ZC3HAV1L: variants seen among roughly 807,000 people sequenced by gnomAD.
ZC3HAV1L encodes the protein ZC3HAV1 like, also known as zinc finger CCCH-type antiviral protein 1-like.
ZC3HAV1L carries 23 observed loss-of-function variants against 28.2 expected under a neutral mutation model. That is an observed-to-expected ratio of 0.82 (90% CI 0.59 to 1.16). ZC3HAV1L has a LOEUF of 1.16. ZC3HAV1L is among the 50% of genes most tolerant of loss of function. ZC3HAV1L has a pLI of 0.00. For synonymous variants in ZC3HAV1L, 180 were observed against 163.4 expected (o/e 1.10, Z -0.78); for missense variants, 376 against 387.7 (o/e 0.97, Z 0.25).
At position 139,026,737 on chromosome 7, in the gene ZC3HAV1L, G is replaced by A. The variant is rs995307196; in HGVS notation, c.857C>T (p.Pro286Leu). ...AAEAGPLASVPAQSAKKPCPV... is the reference protein window; with the variant it reads ...AAEAGPLASVLAQSAKKPCPV... The stretch of plus-strand genomic sequence containing the variant: ...GCAGGGCTTCTTGGCCGACTGAGCA[G>A]GGACAGAAGCCAGAGGACCAGCTTC... The change falls in exon 4 of 5, where the codon CCT becomes CTT. Residue 286 changes from proline (P) to leucine (L), a missense_variant. Physicochemically the swap from Pro to Leu is moderately conservative, Grantham distance 98. Transcript: ENST00000275766. The A allele has an allele frequency of 6.2e-7, 1 of 1,614,150 alleles. No individual in the cohort carries two copies. Among genetic ancestry groups the A allele is most frequent in the South Asian group, 1.1e-5 (1 of 91,072 alleles).
Position 139,035,975 on chromosome 7 carries a change from A to T in ZC3HAV1L, c.43T>A (p.Cys15Ser). 6.6e-7 allele frequency: 1 copy of T among 1,525,500 alleles called. No individual in the cohort carries two copies. Among genetic ancestry groups the T allele is most frequent in the Non-Finnish European group, 8.7e-7 (1 of 1,144,620 alleles). The allele number at this position is 1,525,500 out of a possible 1,614,324, so 94.5% of individuals were successfully genotyped here. ...TVCSFLTKVL[C>S]AHGGRMFLKD... ...AGGAACATGCGGCCGCCGTGGGCGC[A>T]CAGCACCTTGGTGAGGAAGGAGCAC... Residue 15 changes from cysteine (C) to serine (S), a missense_variant, in exon 1 of 5, where the codon TGC becomes AGC. Transcript: ENST00000275766.
At chr7:139,022,450 G>A, downstream of ZC3HAV1L, 1 of 407,028 alleles carries the variant, frequency 2.5e-6, no homozygotes, top group Non-Finnish European at 5.0e-6. Context: ...GGAAGCTGAG[G>A]CAAGAGGATG....
intron 2 of ZC3HAV1L, among the ~76,000 whole-genome samples, chr7:139,033,262 G>A (rs545905345): frequency 1.2e-4 from 18 of 151,170 alleles, no homozygotes; most frequent in African/African-American, 4.8e-5. Flanking sequence ...AATGCTTTGA[G>A]GTTTGTTTAA....
chr7:139,035,889 G>A lies in ZC3HAV1L; in HGVS notation c.129C>T (p.Arg43=), dbSNP rs748697958. The change falls in exon 1 of 5, where the codon CGC becomes CGT. Residue 43 remains arginine, a synonymous_variant. Transcript: ENST00000275766. ...GCAGCAGGAAACGCTCGGGCCCGGC[G>A]CGCTGCAGCACGTCCCGGAGCCTGG... The part of the protein sequence containing the change: ...SEARLRDVLQ[R]AGPERFLLQE... The A allele has an allele frequency of 9.2e-6, 14 of 1,514,146 alleles. No individual in the cohort carries two copies. The South Asian group carries it at 1.6e-4, about 17-fold the overall frequency. 93.8% of individuals were successfully genotyped at this position (1,514,146 alleles called of 1,614,324 possible). A position where few individuals can be genotyped will look rare whatever the true frequency, so the allele number is the denominator to read the frequency against.
chr7:139,033,070 A>G (rs992718043), intron 2 of ZC3HAV1L, among the ~76,000 whole-genome samples: 1 of 152,114 alleles, frequency 6.6e-6, no homozygotes, highest in Non-Finnish European at 1.5e-5. Context: ...TTAGCTGGGC[A>G]TGGTGGCACG....
At chr7:139,023,697 TATTAAAG>T (rs1310200109), downstream of ZC3HAV1L, among the ~76,000 whole-genome samples, 2 of 152,192 alleles carry the variant, frequency 1.3e-5, no homozygotes, top group Admixed American at 1.3e-4. Flanking sequence ...ACGCTTATTC[TATTAAAG>T]ATTAAAACAG....
At chr7:139,033,279 T>C (rs1815591417) in intron 2 of ZC3HAV1L, among the ~76,000 whole-genome samples, 1 of 152,260 alleles carries the variant, frequency 6.6e-6, no homozygotes, top group South Asian at 2.1e-4. Context: ...TTAATGCTTT[T>C]ATTTTAAAAA....
chr7:139,026,962 T>G lies in ZC3HAV1L; in HGVS notation c.761-129A>C, dbSNP rs991853844. 3 of 1,088,752 alleles carry G rather than the reference T, an allele frequency of 2.8e-6. 1 individual carries two copies. The South Asian group carries it at 5.4e-5, about 20-fold the overall frequency. 67.4% of individuals were successfully genotyped at this position (1,088,752 alleles called of 1,614,324 possible). On this transcript the variant is annotated intron_variant, in intron 3 of 4. Transcript: ENST00000275766. ...ATGGATTTGGAGAGTTCATGTCTTC[T>G]GGATTTTAAAAAATTGTATGTGTGT...
At chr7:139,023,952 G>C (rs1361384065), downstream of ZC3HAV1L, among the ~76,000 whole-genome samples, 1 of 151,044 alleles carries the variant, frequency 6.6e-6, no homozygotes, top group African/African-American at 2.4e-5. Context: ...AAGGGAACAA[G>C]GAGAAAAAAA....
In ZC3HAV1L at chr7:139,026,569, T is replaced by C. The variant is rs554146865; in HGVS notation, c.887-9A>G. 6.2e-7 allele frequency: 1 copy of C among 1,612,362 alleles called. No homozygotes were observed. The highest frequency in any genetic ancestry group is 2.2e-5 in the East Asian group (1 of 44,880). On this transcript the variant is annotated splice_polypyrimidine_tract_variant and intron_variant, in intron 4 of 4. Transcript: ENST00000275766. The stretch of plus-strand genomic sequence containing the variant: ...TTACTTCTCGCAAGACACTGTGAGG[T>C]AGATATTATTATGACCATTACAAAT...
At chr7:139,029,416 A>G (rs1033570169) in intron 2 of ZC3HAV1L, among the ~76,000 whole-genome samples, 5 of 152,180 alleles carry the variant, frequency 3.3e-5, no homozygotes, top group Non-Finnish European at 7.3e-5. Flanking sequence ...TTTGGGGGAA[A>G]GCCTGATGAT....
At chr7:139,031,586 C>T (rs1405009344) in intron 2 of ZC3HAV1L, among the ~76,000 whole-genome samples, 1 of 143,600 alleles carries the variant, frequency 7.0e-6, no homozygotes, top group African/African-American at 2.6e-5. Flanking sequence ...ACTCTGTCTA[C>T]AAAACAAACA....
intron 3 of ZC3HAV1L, among the ~76,000 whole-genome samples, chr7:139,028,382 AACAAAAAC>A (rs1815418781): frequency 1.3e-5 from 2 of 151,018 alleles, no homozygotes. Context: ...CAAAAAAAAA[AACAAAAAC>A]AAAACCTGTT....
chr7:139,030,775 C>T (rs1055428026), intron 2 of ZC3HAV1L, among the ~76,000 whole-genome samples: 4 of 151,714 alleles, frequency 2.6e-5, no homozygotes, highest in African/African-American at 9.7e-5. Context: ...GCCGAGATCA[C>T]GCCACTGCAC....
chr7:139,025,361 C>A (rs150220897), downstream of ZC3HAV1L, among the ~76,000 whole-genome samples: 1 of 151,628 alleles, frequency 6.6e-6, no homozygotes. Context: ...GGCAGGAGAA[C>A]CACTTGAACC....
chr7:139,022,311 A>C (rs546553411), downstream of ZC3HAV1L: 4 of 291,092 alleles, frequency 1.4e-5, no homozygotes, highest in Admixed American at 1.3e-4. Context: ...TCAGAGGCCA[A>C]GGCGGGAGGA....
intron 1 of ZC3HAV1L, 33 bp from the exon 2 acceptor site, chr7:139,034,711 G>C: frequency 1.9e-6 from 3 of 1,611,980 alleles, no homozygotes; most frequent in East Asian, 4.5e-5. Context: ...CAGATGCCCA[G>C]GTGAAGAAGG....
At chr7:139,024,455 T>G (rs1815305695), downstream of ZC3HAV1L, among the ~76,000 whole-genome samples, 2 of 152,176 alleles carry the variant, frequency 1.3e-5, no homozygotes, top group Admixed American at 1.3e-4. Context: ...TTAAGATAGC[T>G]TACTACAAAA....
chr7:139,029,106 A>T (rs984703844), intron 2 of ZC3HAV1L, 146 bp from the exon 3 acceptor site: 13 of 932,786 alleles, frequency 1.4e-5, no homozygotes, highest in Non-Finnish European at 2.0e-5. Context: ...GCGTTCAAGC[A>T]ATTCTCCTGC....
Sources: gnomAD v4.1 joint callset for allele counts (sites outside exome capture counted in the v4.1 genomes callset) on GRCh38, gnomAD v4.1.1 for gene constraint, MANE v1.5 for transcripts, NCBI Gene and HGNC (gene_info 2026-07-23, HGNC 2026-07-21) for gene names.